ERCC3: variants seen among roughly 807,000 people sequenced by gnomAD.
ERCC3 encodes the protein general transcription and DNA repair factor IIH helicase/translocase subunit XPB.
ERCC3 carries 66 observed loss-of-function variants against 94.2 expected under a neutral mutation model. That is an observed-to-expected ratio of 0.70 (90% confidence interval 0.57 to 0.86). The LOEUF is 0.86. Among genes scored for constraint, ERCC3 ranks in the 40% least tolerant of loss-of-function variants. ERCC3 has a pLI of 0.00. For missense variants in ERCC3, 829 were observed against 987.1 expected (o/e 0.84, Z 2.15); for synonymous variants, 349 against 369.1 (o/e 0.95, Z 0.63).
rs898144143 is a variant in ERCC3, at chr2:127,268,094, T to C, written c.1945+3242A>G. On this transcript the variant is annotated intron_variant, in intron 12 of 14. Coordinates refer to ENST00000285398, the MANE Select transcript of ERCC3 (RefSeq NM_000122.2). ...TCAGCCTCCTGAGTAGCTGAGATTA[T>C]AGGCACCTGCCACCACGCCCGGCTA... Among the ~76,000 whole-genome samples the C allele has an allele frequency of 1.3e-5, 2 of 151,756 alleles. 1 individual carries two copies. Among genetic ancestry groups the C allele is most frequent in the Admixed American group, 1.3e-4 (2 of 15,214 alleles).
rs1685009797 is a variant in ERCC3 at position 127,284,647 on chromosome 2, T to G, written c.1342+2056A>C. Among the ~76,000 whole-genome samples the G allele has an allele frequency of 6.6e-6, 1 of 152,146 alleles. No homozygotes were observed. The highest frequency in any genetic ancestry group is 1.5e-5 in the Non-Finnish European group (1 of 68,032). On this transcript the variant is annotated intron_variant, in intron 8 of 14. Coordinates refer to ENST00000285398, the MANE Select transcript of ERCC3 (RefSeq NM_000122.2). The surrounding 1 kb of genome is among the most constrained non-coding windows in gnomAD (Gnocchi z 4.1). ...AGATTTCATTTTGTTCATAGTAACC[T>G]CTATTAGACTCCTTAATTTACCCTA...
At chr2:127,282,311 T>C (rs1684942374) in intron 8 of ERCC3, among the ~76,000 whole-genome samples, 1 of 152,222 alleles carries the variant, frequency 6.6e-6, no homozygotes, top group South Asian at 2.1e-4. Flanking sequence ...CTCAACATTA[T>C]GTCATGGTTG....
rs116262235 is a variant in ERCC3, at chr2:127,264,517, T to C, written c.1946-3171A>G. Among the ~76,000 whole-genome samples the C allele has an allele frequency of 8.1e-3, 1,240 of 152,338 alleles. 19 individuals carry two copies. The highest frequency in any genetic ancestry group is 0.028 in the African/African-American group (1,182 of 41,572). On this transcript the variant is annotated intron_variant, in intron 12 of 14. Coordinates refer to ENST00000285398, the MANE Select transcript of ERCC3 (RefSeq NM_000122.2). This position sits in a 1 kb window ranked among gnomAD's most constrained non-coding sequence, Gnocchi z 4.4. Reference sequence around the variant, plus strand: ...GTCTATTAGGATAATTATATGCTTTTCATTTTTAATTATGTGGTGAATCAT... The same window carrying C: ...GTCTATTAGGATAATTATATGCTTTCCATTTTTAATTATGTGGTGAATCAT...
chr2:127,288,729 G>C lies in ERCC3; in HGVS notation c.958C>G (p.Gln320Glu), dbSNP rs2104774539. 6.2e-7 allele frequency: 1 copy of C among 1,614,148 alleles called. No individual in the cohort carries two copies. Among genetic ancestry groups the C allele is most frequent in the South Asian group, 1.1e-5 (1 of 91,072 alleles). ...LKPTAVLRPY[Q>E]EKSLRKMFGN... ...AACATCTTTCGCAAGCTCTTCTCCTGATAGGGTCTGAGGACAGCTGTGGGC... is the reference window on the plus strand; with the variant it reads ...AACATCTTTCGCAAGCTCTTCTCCTCATAGGGTCTGAGGACAGCTGTGGGC... The change falls in exon 7 of 15, where the codon CAG becomes GAG. Residue 320 changes from glutamine (Q) to glutamate (E), a missense_variant. Gln to Glu is a conservative substitution (Grantham distance 29). Coordinates refer to ENST00000285398, the MANE Select transcript of ERCC3 (RefSeq NM_000122.2).
Position 127,257,692 on chromosome 2 carries a change from A to G in ERCC3, c.2253T>C (p.Ser751=). The change falls in exon 15 of 15, where the codon TCT becomes TCC. Residue 751 remains serine, a synonymous_variant. Coordinates refer to ENST00000285398, the MANE Select transcript of ERCC3 (RefSeq NM_000122.2). This position sits in a 1 kb window ranked among gnomAD's most constrained non-coding sequence, Gnocchi z 5.4. ...SRRFGTMSSM[S]GADDTVYMEY... ...CCATGTACACAGTGTCGTCGGCCCC[A>G]GACATAGAACTCATGGTGCCAAAGC... 1 of 1,614,208 alleles carries G rather than the reference A, an allele frequency of 6.2e-7. No individual in the cohort carries two copies. Among genetic ancestry groups the G allele is most frequent in the Non-Finnish European group, 8.5e-7 (1 of 1,180,034 alleles).
At chr2:127,278,009 C>A (rs1341274673) in intron 10 of ERCC3, among the ~76,000 whole-genome samples, 1 of 152,080 alleles carries the variant, frequency 6.6e-6, no homozygotes, top group Non-Finnish European at 1.5e-5. Flanking sequence ...GAGGCCAAGG[C>A]AGGAGGAACT....
chr2:127,289,276 G>T (rs1685184488), intron 6 of ERCC3, 61 bp downstream of exon 6: 2 of 1,478,916 alleles, frequency 1.4e-6, no homozygotes, highest in African/African-American at 1.4e-5. Flanking sequence ...TCGACACATG[G>T]CTGGACTAGC....
In ERCC3 at chr2:127,264,553, T is replaced by C. The variant is rs1684295910; in HGVS notation, c.1946-3207A>G. On this transcript the variant is annotated intron_variant, in intron 12 of 14. Coordinates refer to ENST00000285398, the MANE Select transcript of ERCC3 (RefSeq NM_000122.2). This position sits in a 1 kb window ranked among gnomAD's most constrained non-coding sequence, Gnocchi z 4.4. ...TATGTGGTGAATCATATTTATTGAT[T>C]TCCACATGTTGAACCAACTTTGCAT... 6.6e-6 allele frequency among the ~76,000 whole-genome samples: 1 copy of C among 152,252 alleles called. No homozygotes were observed. Among genetic ancestry groups the C allele is most frequent in the Admixed American group, 6.5e-5 (1 of 15,290 alleles).
Position 127,280,663 on chromosome 2 carries a change from A to C in ERCC3, c.1343-32T>G. 1.3e-6 allele frequency: 2 copies of C among 1,566,774 alleles called. No homozygotes were observed. Among genetic ancestry groups the C allele is most frequent in the Non-Finnish European group, 1.8e-6 (2 of 1,138,896 alleles). On this transcript the variant is annotated intron_variant, in intron 8 of 14. Transcript: ENST00000285398. This position sits in a 1 kb window ranked among gnomAD's most constrained non-coding sequence, Gnocchi z 6.3. ...AAACAATGGGAGCATTCACACTGTC[A>C]CTTTTCTTTCTTATTTTTTATTTAT...
intron 11 of ERCC3, among the ~76,000 whole-genome samples, chr2:127,272,315 G>A (rs964370441): frequency 5.3e-5 from 8 of 152,074 alleles, no homozygotes; most frequent in African/African-American, 1.9e-4. Flanking sequence ...GTGAGCCACC[G>A]CGCCCGGTTG....
intron 10 of ERCC3, among the ~76,000 whole-genome samples, chr2:127,276,175 G>C (rs956870089): frequency 1.3e-5 from 2 of 152,124 alleles, no homozygotes; most frequent in African/African-American, 4.8e-5. Context: ...CCAGGGGACT[G>C]AAAAATTCCT....
intron 8 of ERCC3, among the ~76,000 whole-genome samples, chr2:127,281,463 G>A (rs1684908621): frequency 6.6e-6 from 1 of 152,184 alleles, no homozygotes; most frequent in African/African-American, 2.4e-5. Context: ...TAAAGGGTAT[G>A]AGTTATTCAT....
At chr2:127,261,471 C>T in intron 12 of ERCC3, 125 bp from the exon 13 acceptor site, 1 of 768,002 alleles carries the variant, frequency 1.3e-6, no homozygotes, top group East Asian at 2.4e-5. Context: ...GGGGTTACCA[C>T]CTGAACTTGG....
chr2:127,266,869 G>A (rs560371566), intron 12 of ERCC3, among the ~76,000 whole-genome samples: 6 of 151,648 alleles, frequency 4.0e-5, no homozygotes, highest in South Asian at 2.1e-4. Context: ...GGCGCATGCC[G>A]CCACACTCAG....
At position 127,280,995 on chromosome 2, in the gene ERCC3, G is replaced by T; in HGVS notation, c.1343-364C>A. The T allele has an allele frequency of 4.5e-6, 2 of 445,938 alleles. No homozygotes were observed. Among genetic ancestry groups the T allele is most frequent in the South Asian group, 6.8e-5 (1 of 14,806 alleles). 27.6% of individuals were successfully genotyped at this position (445,938 alleles called of 1,614,324 possible). A position where few individuals can be genotyped will look rare whatever the true frequency, so the allele number is the denominator to read the frequency against. On this transcript the variant is annotated intron_variant, in intron 8 of 14. Coordinates refer to ENST00000285398, the MANE Select transcript of ERCC3 (RefSeq NM_000122.2). The surrounding 1 kb of genome is among the most constrained non-coding windows in gnomAD (Gnocchi z 6.3). ...GACCTGTCCAAAAGAAAATGAAAAG[G>T]AGAACAAGAGGGTGAAATGAGCTTA...
chr2:127,269,791 G>A (rs952007624), intron 12 of ERCC3, among the ~76,000 whole-genome samples: 1 of 151,426 alleles, frequency 6.6e-6, no homozygotes, highest in East Asian at 2.0e-4. Context: ...AGCACTTTGG[G>A]AGGCCAAGGT....
intron 2 of ERCC3, among the ~76,000 whole-genome samples, chr2:127,293,300 G>T (rs1685341675): frequency 6.6e-6 from 1 of 152,224 alleles, no homozygotes; most frequent in East Asian, 1.9e-4. Context: ...AAACCGAGGG[G>T]TTAGAGCTGT....
rs55996918 is a variant in ERCC3, at chr2:127,280,898, C to A, written c.1343-267G>T. The A allele has an allele frequency of 1.4e-4, 71 of 520,256 alleles. No homozygotes were observed. The highest frequency in any genetic ancestry group is 2.2e-4 in the Non-Finnish European group (66 of 296,934). 32.2% of individuals were successfully genotyped at this position (520,256 alleles called of 1,614,324 possible). A position where few individuals can be genotyped will look rare whatever the true frequency, so the allele number is the denominator to read the frequency against. On this transcript the variant is annotated intron_variant, in intron 8 of 14. Transcript: ENST00000285398. The surrounding 1 kb of genome is among the most constrained non-coding windows in gnomAD (Gnocchi z 6.3). The stretch of plus-strand genomic sequence containing the variant: ...GGCTTATGACACCACCTGAACTAAC[C>A]CTTGGGTTTCAGGACCACAGAAGCT...
In ERCC3 at chr2:127,291,384, T is replaced by G. The variant is rs1685266153; in HGVS notation, c.472-1111A>C. Among the ~76,000 whole-genome samples the G allele has an allele frequency of 6.6e-6, 1 of 152,096 alleles. No homozygotes were observed. On this transcript the variant is annotated intron_variant, in intron 3 of 14. Transcript: ENST00000285398. This position sits in a 1 kb window ranked among gnomAD's most constrained non-coding sequence, Gnocchi z 4.9. ...AAGTGATTGTCCTGCCTCAGCCTCC[T>G]GAGTAGCTGGGATTACAGGCACCCA... is the stretch of plus-strand genomic sequence containing the variant.
Sources: allele counts gnomAD v4.1 joint callset (sites outside exome capture counted in the v4.1 genomes callset), GRCh38; gene constraint gnomAD v4.1.1; non-coding constraint Gnocchi (gnomAD v3.1); transcripts MANE v1.5; gene names NCBI Gene and HGNC (gene_info 2026-07-23, HGNC 2026-07-21).